The following RARB variants were observed in gnomAD, a reference collection of about 807,000 sequenced individuals.
RARB encodes retinoic acid receptor beta.
Under a neutral mutation model 51.9 loss-of-function variants are expected in RARB, and 17 were observed. That is an observed-to-expected ratio of 0.33 (90% CI 0.22 to 0.49). RARB has a LOEUF of 0.49. RARB is among the 20% of genes least tolerant of loss of function. RARB has a pLI of 0.99. For missense variants in RARB, 369 were observed against 550.8 expected (o/e 0.67, Z 3.30); for synonymous variants, 215 against 195.4 (o/e 1.10, Z -0.84).
chr3:25,570,250 A>G (rs1162847007), intron 4 of RARB, among the ~76,000 whole-genome samples: 2 of 152,376 alleles, frequency 1.3e-5, no homozygotes, highest in East Asian at 1.9e-4. Context: ...TGCTGCTCTC[A>G]GAGACTTTGA....
intron 2 of RARB, among the ~76,000 whole-genome samples, chr3:24,906,992 G>A (rs1694881545): frequency 6.6e-6 from 1 of 152,124 alleles, no homozygotes; most frequent in South Asian, 2.1e-4. Context: ...CAAGCCAGGA[G>A]ACAGTCAAAT....
chr3:25,580,442 C>T (rs1258878426), intron 4 of RARB, 104 bp from the exon 5 acceptor site: 2 of 1,143,074 alleles, frequency 1.7e-6, no homozygotes, highest in Non-Finnish European at 2.5e-6. Context: ...CCTGCCTGCT[C>T]AAGGCTGACA....
intron 5 of RARB, among the ~76,000 whole-genome samples, chr3:25,190,831 C>G (rs900249571): frequency 1.3e-5 from 2 of 152,050 alleles, no homozygotes; most frequent in Non-Finnish European, 2.9e-5. Context: ...TAATTCCTGT[C>G]TAATCACTTG....
chr3:25,099,270 G>A (rs1371838725), intron 3 of RARB, among the ~76,000 whole-genome samples: 1 of 152,130 alleles, frequency 6.6e-6, no homozygotes, highest in Non-Finnish European at 1.5e-5. Context: ...ACCAAAGTCC[G>A]ATGTTAACTG....
At chr3:25,512,164 G>A (rs17016586) in intron 3 of RARB, among the ~76,000 whole-genome samples, 4,373 of 152,260 alleles carry the variant, frequency 0.029, 195 homozygotes, top group African/African-American at 0.1. Flanking sequence ...CTAAGCGTTA[G>A]CTCCTGTTAC....
intron 2 of RARB, among the ~76,000 whole-genome samples, chr3:24,884,846 A>G (rs538244611): frequency 6.6e-6 from 1 of 152,286 alleles, no homozygotes; most frequent in East Asian, 1.9e-4. Flanking sequence ...CAAGAAAGAA[A>G]ATATAACCTG....
At chr3:25,593,378 G>T in intron 5 of RARB, 125 bp from the exon 6 acceptor site, 3 of 859,760 alleles carry the variant, frequency 3.5e-6, no homozygotes, top group Non-Finnish European at 5.4e-6. Flanking sequence ...CATTCAACAT[G>T]TGAAAGGGGG....
intron 5 of RARB, among the ~76,000 whole-genome samples, chr3:25,287,887 C>G (rs140126438): frequency 6.6e-6 from 1 of 151,790 alleles, no homozygotes; most frequent in Non-Finnish European, 1.5e-5. Flanking sequence ...AAAAGTAGAT[C>G]GACTGTGATC....
chr3:25,372,226 A>G (rs1706322465), intron 5 of RARB, among the ~76,000 whole-genome samples: 1 of 152,160 alleles, frequency 6.6e-6, no homozygotes, highest in African/African-American at 2.4e-5. Flanking sequence ...CACTATTGGC[A>G]TTTCATTCTG....
chr3:25,083,961 T>C (rs1699058520), intron 3 of RARB, among the ~76,000 whole-genome samples: 1 of 152,178 alleles, frequency 6.6e-6, no homozygotes, highest in African/African-American at 2.4e-5. Context: ...AACTGAAATG[T>C]TGTCCAGTAC....
rs1437398513 is a variant in RARB at position 25,597,531 on chromosome 3, C to G, written c.*915C>G. The G allele has an allele frequency of 6.6e-6, 1 of 152,646 alleles. No individual in the cohort carries two copies. The highest frequency in any genetic ancestry group is 1.5e-5 in the Non-Finnish European group (1 of 68,042). 9.5% of individuals were successfully genotyped at this position (152,646 alleles called of 1,614,324 possible). A position where few individuals can be genotyped will look rare whatever the true frequency, so the allele number is the denominator to read the frequency against. On this transcript the variant is annotated 3_prime_UTR_variant, in exon 8 of 8. Coordinates refer to ENST00000330688, the MANE Select transcript of RARB (RefSeq NM_000965.5). ...GAAATTTCATGGGATAATTAGCAGG[C>G]TGGTCTACCACCTGGACCATGTAAC...
chr3:25,080,453 G>A (rs1026480743), intron 3 of RARB, among the ~76,000 whole-genome samples: 10 of 152,186 alleles, frequency 6.6e-5, no homozygotes, highest in African/African-American at 1.4e-4. Flanking sequence ...TGGCTGGAAT[G>A]TATGGTAATT....
rs111629271 is a variant in RARB at position 25,205,831 on chromosome 3, C to T, written c.178+31256C>T. ...AATTATGGCTCACTGCAGCCTCAACCTCCTGGGCTCAAATGATCCTCCCAC... is the reference window on the plus strand; with the variant it reads ...AATTATGGCTCACTGCAGCCTCAACTTCCTGGGCTCAAATGATCCTCCCAC... On this transcript the variant is annotated intron_variant, in intron 5 of 11. Coordinates refer to the RARB transcript ENST00000383772. 4.5e-3 allele frequency among the ~76,000 whole-genome samples: 685 copies of T among 152,142 alleles called. 8 individuals are homozygous for T. The highest frequency in any genetic ancestry group is 0.015 in the African/African-American group (643 of 41,502).
intron 5 of RARB, among the ~76,000 whole-genome samples, chr3:25,176,937 G>A (rs562816808): frequency 6.6e-6 from 1 of 152,200 alleles, no homozygotes; most frequent in South Asian, 2.1e-4. Flanking sequence ...GCGAGGGTTT[G>A]AAGTTCAAAA....
At position 25,362,485 on chromosome 3, in the gene RARB, T is replaced by G. The variant is rs568686553; in HGVS notation, c.179-98708T>G. Among the ~76,000 whole-genome samples the G allele has an allele frequency of 7.9e-5, 12 of 152,250 alleles. No homozygotes were observed. The South Asian group carries it at 2.3e-3, about 29-fold the overall frequency. ...GCCCCCTTTCCAGGGGAGTGAACGGTTCTGTCTCGCTGGCATTCCAGGCGC... is the reference window on the plus strand; with the variant it reads ...GCCCCCTTTCCAGGGGAGTGAACGGGTCTGTCTCGCTGGCATTCCAGGCGC... On this transcript the variant is annotated intron_variant, in intron 5 of 11. Coordinates refer to the RARB transcript ENST00000383772.
chr3:25,307,526 T>C (rs891433990), intron 5 of RARB, among the ~76,000 whole-genome samples: 1 of 152,236 alleles, frequency 6.6e-6, no homozygotes, highest in Non-Finnish European at 1.5e-5. Flanking sequence ...AGTTTTTGTT[T>C]TCCAACAGTG....
At chr3:25,378,723 AAC>A (rs1706539659) in intron 5 of RARB, among the ~76,000 whole-genome samples, 1 of 152,208 alleles carries the variant, frequency 6.6e-6, no homozygotes, top group South Asian at 2.1e-4. Flanking sequence ...ATTAAAGGAA[AAC>A]ACATATAAAG....
At chr3:25,003,989 T>C (rs1034116329) in intron 2 of RARB, among the ~76,000 whole-genome samples, 3 of 152,254 alleles carry the variant, frequency 2.0e-5, no homozygotes, top group Middle Eastern at 6.8e-3. Context: ...GAATAGGCTT[T>C]GCTGTGATAA....
intron 5 of RARB, among the ~76,000 whole-genome samples, chr3:25,343,103 G>A (rs1705283217): frequency 6.7e-6 from 1 of 148,976 alleles, no homozygotes; most frequent in African/African-American, 2.5e-5. Context: ...GAATATGAGG[G>A]TTTTAGGTGC....
Sources: gnomAD v4.1 joint callset for allele counts (sites outside exome capture counted in the v4.1 genomes callset) on GRCh38, gnomAD v4.1.1 for gene constraint, MANE v1.5 for transcripts, NCBI Gene and HGNC (gene_info 2026-07-23, HGNC 2026-07-21) for gene names.